Variants in COBLL1 observed in about 807,000 individuals in gnomAD.
COBLL1 encodes the protein cordon-bleu WH2 repeat protein like 1.
COBLL1 carries 50 observed loss-of-function variants against 94.8 expected under a neutral mutation model. The observed-to-expected ratio is 0.53, with a 90% CI of 0.42 to 0.67. The LOEUF is 0.67. Ranked by LOEUF, COBLL1 falls within the 30% of genes least tolerant of loss-of-function variation. The probability of loss-of-function intolerance (pLI) is 0.00; values close to 1 mark genes in which losing one functional copy is unlikely to be tolerated. For missense variants in COBLL1, 1,362 were observed against 1,348.7 expected (o/e 1.01, Z -0.15); for synonymous variants, 448 against 473.8 (o/e 0.95, Z 0.71).
chr2:164,763,765 T>C (rs1687805779), intron 2 of COBLL1, among the ~76,000 whole-genome samples: 1 of 152,170 alleles, frequency 6.6e-6, no homozygotes, highest in Non-Finnish European at 1.5e-5. Flanking sequence ...ATATGGAATA[T>C]AATAGAAACA....
intron 2 of COBLL1, among the ~76,000 whole-genome samples, chr2:164,663,995 C>G (rs941698683): frequency 6.6e-6 from 1 of 152,094 alleles, no homozygotes; most frequent in Non-Finnish European, 1.5e-5. Context: ...TTTGCTTTTA[C>G]TAAAATGTAT....
At chr2:164,746,228 C>G (rs1686850604) in intron 2 of COBLL1, among the ~76,000 whole-genome samples, 1 of 152,156 alleles carries the variant, frequency 6.6e-6, no homozygotes, top group Non-Finnish European at 1.5e-5. Flanking sequence ...AAGCTGCCAA[C>G]TGGTGTCCCT....
intron 2 of COBLL1, among the ~76,000 whole-genome samples, chr2:164,663,857 T>C (rs866748902): frequency 6.6e-6 from 1 of 152,208 alleles, no homozygotes; most frequent in South Asian, 2.1e-4. Context: ...TGTTCACTAT[T>C]TGTGTGACAA....
chr2:164,676,103 T>C (rs964248746), downstream of COBLL1, among the ~76,000 whole-genome samples: 7 of 152,236 alleles, frequency 4.6e-5, no homozygotes, highest in African/African-American at 1.7e-4. Flanking sequence ...TTGAATGCAG[T>C]AAATAAACTA....
intron 3 of COBLL1, among the ~76,000 whole-genome samples, chr2:164,742,896 C>T (rs141493867): frequency 6.6e-6 from 1 of 152,120 alleles, no homozygotes; most frequent in East Asian, 1.9e-4. Context: ...AAGGTCAAAA[C>T]AGCTTAAATT....
At chr2:164,718,730 G>A (rs946013616) in intron 7 of COBLL1, among the ~76,000 whole-genome samples, 1 of 152,110 alleles carries the variant, frequency 6.6e-6, no homozygotes, top group Admixed American at 6.6e-5. Context: ...ATTATTCTGC[G>A]CTGGCATCTT....
At chr2:164,706,007 C>G (rs538363999) in intron 7 of COBLL1, among the ~76,000 whole-genome samples, 1 of 152,304 alleles carries the variant, frequency 6.6e-6, no homozygotes, top group African/African-American at 2.4e-5. Flanking sequence ...GCACTCGAGC[C>G]TGGGCGACAA....
At chr2:164,817,361 T>TAAAAAAAAAAAA (rs10599487) in intron 2 of COBLL1, among the ~76,000 whole-genome samples, 3 of 116,462 alleles carry the variant, frequency 2.6e-5, no homozygotes, top group African/African-American at 9.5e-5. Context: ...TGGTATATAT[T>TAAAAAAAAAAAA]AAAAAAAAAA....
At chr2:164,823,688 C>G (rs1459891127) in intron 2 of COBLL1, among the ~76,000 whole-genome samples, 2 of 152,196 alleles carry the variant, frequency 1.3e-5, no homozygotes, top group Non-Finnish European at 2.9e-5. Flanking sequence ...AACATCCCCT[C>G]TCTGGCATGT....
chr2:164,806,808 TCC>T (rs937296595), intron 2 of COBLL1, among the ~76,000 whole-genome samples: 9 of 152,276 alleles, frequency 5.9e-5, no homozygotes, highest in African/African-American at 1.9e-4. Context: ...CAAGCCATCC[TCC>T]CACCCCAGCC....
At chr2:164,731,622 T>C (rs1686017059) in intron 3 of COBLL1, among the ~76,000 whole-genome samples, 1 of 152,218 alleles carries the variant, frequency 6.6e-6, no homozygotes, top group Admixed American at 6.5e-5. Context: ...ATCGTATTTT[T>C]ACAGATGGAG....
At chr2:164,673,562 C>A (rs6744100) in intron 1 of COBLL1, among the ~76,000 whole-genome samples, 17,025 of 152,022 alleles carry the variant, frequency 0.11, 1,059 homozygotes, top group Non-Finnish European at 0.15. Context: ...GTAATCTTAG[C>A]TACTAGGGAG....
chr2:164,713,016 T>TA (rs1684983158), intron 7 of COBLL1, among the ~76,000 whole-genome samples: 2 of 152,150 alleles, frequency 1.3e-5, no homozygotes, highest in African/African-American at 4.8e-5. Flanking sequence ...CTTTGTTATA[T>TA]TATTGTGATT....
intron 2 of COBLL1, among the ~76,000 whole-genome samples, chr2:164,814,578 G>A (rs1684623915): frequency 1.3e-5 from 2 of 151,522 alleles, no homozygotes; most frequent in Non-Finnish European, 2.9e-5. Flanking sequence ...AAACAATAAG[G>A]TATTCCTTCT....
rs1683779207 is a variant in COBLL1 at position 164,694,337 on chromosome 2, T to C, written c.3055A>G (p.Thr1019Ala). The change falls in exon 12 of 14, where the codon ACA becomes GCA. Residue 1019 changes from threonine (T) to alanine (A), a missense_variant. Transcript: ENST00000652658. ...ASALVQPPAN[T>A]EEGKTHSVNK... The stretch of plus-strand genomic sequence containing the variant: ...ACAGAATGAGTCTTCCCTTCCTCTG[T>C]GTTGGCTGGAGGTTGGACCAATGCA... 6.2e-7 allele frequency: 1 copy of C among 1,613,888 alleles called. No homozygotes were observed.
rs967918609 is a variant in COBLL1 at position 164,669,780 on chromosome 2, A to G, written n.127-3879T>C. ...AAATTTGCATGTGGCTTAAACTTTG[A>G]CTCAGTTTACTCATCTGTAAATGGG... On this transcript the variant is annotated intron_variant and non_coding_transcript_variant, in intron 1 of 2. Coordinates refer to the COBLL1 transcript ENST00000495084. 3.9e-5 allele frequency among the ~76,000 whole-genome samples: 6 copies of G among 152,332 alleles called. No individual in the cohort carries two copies. In the South Asian group the frequency reaches 1.2e-3, roughly 32 times the overall value.
chr2:164,694,083 ATATAAGT>A (rs1292678123), intron 12 of COBLL1, among the ~76,000 whole-genome samples, 179 bp downstream of exon 12: 1 of 152,184 alleles, frequency 6.6e-6, no homozygotes, highest in Non-Finnish European at 1.5e-5. Flanking sequence ...TAAACAAGTT[ATATAAGT>A]TATAATTGTG....
chr2:164,745,067 T>C (rs1303088027), intron 2 of COBLL1, among the ~76,000 whole-genome samples: 1 of 152,184 alleles, frequency 6.6e-6, no homozygotes, highest in East Asian at 1.9e-4. Flanking sequence ...AAAATACAGA[T>C]TTCAATTCCT....
In COBLL1 at chr2:164,694,674, CCT is replaced by C. The variant is rs773307837; in HGVS notation, c.2716_2717del (p.Arg906GlyfsTer15). 2.2e-5 allele frequency: 35 copies of C among 1,613,552 alleles called. No individual in the cohort carries two copies. The highest frequency in any genetic ancestry group is 8.5e-6 in the Non-Finnish European group (10 of 1,179,892). ...TCTGCTCCGGAGAAGGCAGCATATC[CCT>C]TTCTGCCTCTTTATTTGTCAGTTCT... ...PKELTNKEAE[R>X]DMLPSPEQTL... is the part of the protein sequence containing the mutation. On this transcript the variant is annotated frameshift_variant, in exon 12 of 14. Coordinates refer to ENST00000652658, the MANE Select transcript of COBLL1 (RefSeq NM_001365672.2). LOFTEE classifies it high-confidence loss of function.
Sources: gnomAD v4.1 joint callset for allele counts (sites outside exome capture counted in the v4.1 genomes callset) on GRCh38, gnomAD v4.1.1 for gene constraint, MANE v1.5 for transcripts, NCBI Gene and HGNC (gene_info 2026-07-23, HGNC 2026-07-21) for gene names.